MAGI1: variants seen among roughly 807,000 people sequenced by gnomAD.
MAGI1 encodes the protein membrane-associated guanylate kinase, WW and PDZ domain-containing protein 1.
MAGI1 carries 58 observed loss-of-function variants against 139.9 expected under a neutral mutation model. The ratio of observed to expected loss-of-function variants is 0.41; its 90% CI spans 0.34 to 0.52. The LOEUF is 0.52. Among genes scored for constraint, MAGI1 ranks in the 20% least tolerant of loss-of-function variants. The probability of loss-of-function intolerance (pLI) is 0.12; values close to 1 mark genes in which losing one functional copy is unlikely to be tolerated. For synonymous variants in MAGI1, 812 were observed against 737.9 expected (o/e 1.10, Z -1.63); for missense variants, 1,874 against 1,901.6 (o/e 0.99, Z 0.27).
At chr3:66,023,981 G>A (rs1037421131) in intron 1 of MAGI1, among the ~76,000 whole-genome samples, 6 of 152,156 alleles carry the variant, frequency 3.9e-5, no homozygotes, top group African/African-American at 1.4e-4. Context: ...TTGGAAAGCT[G>A]TCACCAGCTG....
intron 1 of MAGI1, among the ~76,000 whole-genome samples, chr3:65,904,598 C>T (rs949524321): frequency 1.3e-5 from 2 of 152,198 alleles, no homozygotes; most frequent in African/African-American, 4.8e-5. Flanking sequence ...TTCCACCATC[C>T]CTCAGCCCAG....
intron 1 of MAGI1, among the ~76,000 whole-genome samples, chr3:65,795,781 T>C (rs2040093958): frequency 6.6e-6 from 1 of 150,418 alleles, no homozygotes; most frequent in Non-Finnish European, 1.5e-5. Flanking sequence ...AGGGGTGTGA[T>C]GGCTCATGTC....
At position 65,374,313 on chromosome 3, in the gene MAGI1, C is replaced by CTTTT. The variant is rs3072933; in HGVS notation, c.3196+1428_3196+1431dup. Among the ~76,000 whole-genome samples, 151 of 95,094 alleles carry CTTTT rather than the reference C, an allele frequency of 1.6e-3. 1 individual carries two copies. Among genetic ancestry groups the CTTTT allele is most frequent in the Non-Finnish European group, 1.9e-3 (102 of 53,024 alleles). The allele number at this position is 95,094 out of a possible 152,430, so 62.4% of individuals were successfully genotyped here. ...TCCTGGCCTTAGTGTATCAACTTAA[C>CTTTT]TTTTTTTTTTTTTTTTTTTTTTTGA... On this transcript the variant is annotated intron_variant, in intron 18 of 22. Coordinates refer to ENST00000402939, the MANE Select transcript of MAGI1 (RefSeq NM_001033057.2).
intron 1 of MAGI1, among the ~76,000 whole-genome samples, chr3:65,784,884 T>A (rs185463368): frequency 6.6e-6 from 1 of 152,144 alleles, no homozygotes; most frequent in Non-Finnish European, 1.5e-5. Context: ...TACAATGCCC[T>A]TTAGATGAAA....
chr3:65,574,873 A>G (rs1269495651), intron 2 of MAGI1, among the ~76,000 whole-genome samples: 4 of 152,116 alleles, frequency 2.6e-5, no homozygotes, highest in African/African-American at 7.2e-5. Flanking sequence ...AATCTTTTCA[A>G]CAAGTGACAC....
At position 65,994,777 on chromosome 3, in the gene MAGI1, GC is replaced by G. The variant is rs544623607; in HGVS notation, c.313+43218del. On this transcript the variant is annotated intron_variant, in intron 1 of 22. Transcript: ENST00000402939. ...ACCACACTCTTAAAGTGGTGCACAA[GC>G]CCTGTGTACCTTCAACAGGAGGGGA... is the stretch of plus-strand genomic sequence containing the variant. 2.8e-4 allele frequency among the ~76,000 whole-genome samples: 42 copies of G among 152,284 alleles called. No homozygotes were observed. In the South Asian group the frequency reaches 8.7e-3, roughly 32 times the overall value.
intron 2 of MAGI1, among the ~76,000 whole-genome samples, chr3:65,606,674 C>T (rs6445489): frequency 0.68 from 102,821 of 151,930 alleles, 35,403 homozygotes; most frequent in Non-Finnish European, 0.75. Flanking sequence ...CCCACAACCA[C>T]GCCTGGCTAA....
At chr3:65,549,537 C>T (rs1265124800) in intron 2 of MAGI1, 2 of 950,614 alleles carry the variant, frequency 2.1e-6, no homozygotes, top group Non-Finnish European at 2.5e-6. Context: ...TTATGGGGCT[C>T]GCAGGCAGTA....
chr3:65,703,513 C>A (rs1334907593), intron 1 of MAGI1, among the ~76,000 whole-genome samples: 1 of 152,240 alleles, frequency 6.6e-6, no homozygotes, highest in African/African-American at 2.4e-5. Flanking sequence ...TCTTTCTCTG[C>A]TGATGGATCT....
At chr3:65,424,470 A>G (rs1407078475) in intron 12 of MAGI1, among the ~76,000 whole-genome samples, 1 of 152,168 alleles carries the variant, frequency 6.6e-6, no homozygotes, top group Non-Finnish European at 1.5e-5. Context: ...GTATAATCAG[A>G]CCCTGAAATT....
At chr3:65,865,534 G>T (rs145737252) in intron 1 of MAGI1, among the ~76,000 whole-genome samples, 2,391 of 152,256 alleles carry the variant, frequency 0.016, 70 homozygotes, top group African/African-American at 0.055. Flanking sequence ...GGCAGAGGTT[G>T]CACTGAGCCA....
chr3:65,956,829 C>T (rs1267291043), intron 1 of MAGI1, among the ~76,000 whole-genome samples: 1 of 151,874 alleles, frequency 6.6e-6, no homozygotes, highest in Non-Finnish European at 1.5e-5. Context: ...GAGACCCCAT[C>T]TCTATATAAA....
chr3:65,389,371 C>A (rs1385376083), intron 14 of MAGI1, among the ~76,000 whole-genome samples: 4 of 152,094 alleles, frequency 2.6e-5, no homozygotes, highest in African/African-American at 7.2e-5. Flanking sequence ...ACCCAGGACG[C>A]CCCCGCCAGC....
chr3:65,415,263 T>C (rs1296382262), intron 12 of MAGI1, among the ~76,000 whole-genome samples: 1 of 152,174 alleles, frequency 6.6e-6, no homozygotes, highest in Non-Finnish European at 1.5e-5. Context: ...TCAAAGGTAC[T>C]GAAAACAGGA....
In MAGI1 at chr3:65,523,128, A is replaced by G. The variant is rs368532813; in HGVS notation, c.431-29497T>C. ...AAGATGGAGTCTAAGCACACATATTATGTTTGCCAGAGTCTTTTATACCAC... is the reference window on the plus strand; with the variant it reads ...AAGATGGAGTCTAAGCACACATATTGTGTTTGCCAGAGTCTTTTATACCAC... On this transcript the variant is annotated intron_variant, in intron 2 of 22. Coordinates refer to ENST00000402939, the MANE Select transcript of MAGI1 (RefSeq NM_001033057.2). 3.9e-5 allele frequency among the ~76,000 whole-genome samples: 6 copies of G among 152,174 alleles called. No individual in the cohort carries two copies. In the East Asian group the frequency reaches 7.7e-4, roughly 20 times the overall value.
intron 12 of MAGI1, among the ~76,000 whole-genome samples, chr3:65,422,747 A>T (rs768987864): frequency 6.6e-5 from 10 of 151,776 alleles, no homozygotes; most frequent in Non-Finnish European, 1.3e-4. Context: ...GTCACGGCAG[A>T]CTCCTCAGAT....
At chr3:65,787,887 G>T (rs1287622638) in intron 1 of MAGI1, among the ~76,000 whole-genome samples, 1 of 152,130 alleles carries the variant, frequency 6.6e-6, no homozygotes, top group African/African-American at 2.4e-5. Flanking sequence ...AAGTAAGAGA[G>T]AGCTCAGGAT....
chr3:65,534,460 A>C (rs923045305), intron 2 of MAGI1, among the ~76,000 whole-genome samples: 2 of 152,178 alleles, frequency 1.3e-5, no homozygotes, highest in Non-Finnish European at 2.9e-5. Flanking sequence ...GCTGCACTCC[A>C]GCCTCGGTGA....
At chr3:65,366,923 A>G (rs947346818) in intron 18 of MAGI1, among the ~76,000 whole-genome samples, 1 of 152,182 alleles carries the variant, frequency 6.6e-6, no homozygotes, top group African/African-American at 2.4e-5. Context: ...TATGACTCCC[A>G]TTTGAGGGCA....
Sources: allele counts gnomAD v4.1 joint callset (sites outside exome capture counted in the v4.1 genomes callset), GRCh38; gene constraint gnomAD v4.1.1; transcripts MANE v1.5; gene names NCBI Gene and HGNC (gene_info 2026-07-23, HGNC 2026-07-21).